NECTIN3: variants seen among roughly 807,000 people sequenced by gnomAD.
NECTIN3 encodes the protein nectin cell adhesion molecule 3.
Under a neutral mutation model 49.4 loss-of-function variants are expected in NECTIN3, and 8 were observed. That is an observed-to-expected ratio of 0.16 (90% CI 0.10 to 0.29). The LOEUF is 0.29. Among genes scored for constraint, NECTIN3 ranks in the 10% least tolerant of loss-of-function variants. The pLI, the probability that NECTIN3 is intolerant of heterozygous loss-of-function variation, is 1.00. For synonymous variants in NECTIN3, 277 were observed against 241.1 expected (o/e 1.15, Z -1.38); for missense variants, 581 against 654.6 (o/e 0.89, Z 1.23).
chr3:111,097,588 A>G (rs1457440364), intron 1 of NECTIN3, among the ~76,000 whole-genome samples: 1 of 152,148 alleles, frequency 6.6e-6, no homozygotes, highest in Non-Finnish European at 1.5e-5. Flanking sequence ...AGGTAATTGA[A>G]TCATGGGGGC....
intron 1 of NECTIN3, among the ~76,000 whole-genome samples, chr3:111,098,940 A>C (rs536954034): frequency 6.6e-6 from 1 of 152,132 alleles, no homozygotes; most frequent in Non-Finnish European, 1.5e-5. Context: ...AAAAAAAAAA[A>C]AAAAGATGAG....
Position 111,118,743 on chromosome 3 carries a change from C to A in NECTIN3, c.590C>A (p.Thr197Asn). ...GTAGCAGCCATTTGCATCGCAGCCACTGGAAAACCCGTTGCACATATTGAC... is the reference window on the plus strand; with the variant it reads ...GTAGCAGCCATTTGCATCGCAGCCAATGGAAAACCCGTTGCACATATTGAC... ...ETVAAICIAA[T>N]GKPVAHIDWE... Residue 197 changes from threonine (T) to asparagine (N), a missense_variant, in exon 3 of 6, where the codon ACT becomes AAT. Around this residue, in one of 3 missense-constraint regions of NECTIN3, gnomAD observed 234 missense variants for 340.6 expected, o/e 0.69. Coordinates refer to ENST00000485303, the MANE Select transcript of NECTIN3 (RefSeq NM_015480.3). 1 of 1,614,174 alleles carries A rather than the reference C, an allele frequency of 6.2e-7. No individual in the cohort carries two copies. Among genetic ancestry groups the A allele is most frequent in the Non-Finnish European group, 8.5e-7 (1 of 1,180,020 alleles).
intron 7 of NECTIN3, among the ~76,000 whole-genome samples, chr3:111,170,944 A>T (rs950826380): frequency 6.6e-6 from 1 of 152,228 alleles, no homozygotes; most frequent in African/African-American, 2.4e-5. Flanking sequence ...CATCTTTAAT[A>T]TACAGCTTCT....
At chr3:111,165,974 T>G (rs181469561) in intron 7 of NECTIN3, among the ~76,000 whole-genome samples, 9 of 152,272 alleles carry the variant, frequency 5.9e-5, no homozygotes, top group Non-Finnish European at 7.4e-5. Flanking sequence ...ATTAGGTGCT[T>G]CTTGTATCAG....
intron 1 of NECTIN3, among the ~76,000 whole-genome samples, chr3:111,086,197 C>G (rs867240759): frequency 6.6e-6 from 1 of 151,790 alleles, no homozygotes; most frequent in African/African-American, 2.4e-5. Flanking sequence ...AATATGAACC[C>G]TTTGTTAATT....
intron 7 of NECTIN3, among the ~76,000 whole-genome samples, chr3:111,158,456 T>C (rs1266811659): frequency 6.6e-6 from 1 of 152,106 alleles, no homozygotes; most frequent in African/African-American, 2.4e-5. Flanking sequence ...ATGTATTTGT[T>C]TGAAACCTTT....
intron 7 of NECTIN3, among the ~76,000 whole-genome samples, chr3:111,183,129 C>T (rs2035655906): frequency 6.6e-6 from 1 of 151,402 alleles, no homozygotes; most frequent in African/African-American, 2.4e-5. Context: ...TTATTTCTCC[C>T]TGCGTTATAA....
chr3:111,135,981 C>CATATA lies in NECTIN3; in HGVS notation c.*1766_*1767insATATA. On this transcript the variant is annotated 3_prime_UTR_variant, in exon 6 of 6. Coordinates refer to ENST00000485303, the MANE Select transcript of NECTIN3 (RefSeq NM_015480.3). ...GTCTGGGTTTTAATATGGTTAATCA[C>CATATA]TTATATACAAATATTACAACTTTTT... 1 of 950,068 alleles carries CATATA rather than the reference C, an allele frequency of 1.1e-6. No individual in the cohort carries two copies. The highest frequency in any genetic ancestry group is 1.3e-6 in the Non-Finnish European group (1 of 798,200). The allele number at this position is 950,068 out of a possible 1,614,324, so 58.9% of individuals were successfully genotyped here. A position where few individuals can be genotyped will look rare whatever the true frequency, so the allele number is the denominator to read the frequency against.
intron 7 of NECTIN3, among the ~76,000 whole-genome samples, chr3:111,180,972 A>G (rs186427941): frequency 3.5e-4 from 54 of 152,298 alleles, no homozygotes; most frequent in South Asian, 6.2e-4. Flanking sequence ...TGGAGTTTAC[A>G]TAATACCATG....
At chr3:111,180,316 A>C (rs897708215) in intron 7 of NECTIN3, among the ~76,000 whole-genome samples, 2 of 152,326 alleles carry the variant, frequency 1.3e-5, no homozygotes, top group South Asian at 4.1e-4. Context: ...GGAACCAGCA[A>C]TGTTAAATCT....
chr3:111,143,183 A>G (rs1365930647), intron 5 of NECTIN3, among the ~76,000 whole-genome samples: 1 of 151,902 alleles, frequency 6.6e-6, no homozygotes. Context: ...GTGCAGAATG[A>G]TATTTGGCTG....
intron 1 of NECTIN3, chr3:111,073,362 T>G (rs140869195): frequency 6.6e-6 from 1 of 152,346 alleles, no homozygotes; most frequent in East Asian, 1.9e-4. Context: ...GTCAGGGTAG[T>G]TGGTTATGAG....
intron 5 of NECTIN3, among the ~76,000 whole-genome samples, chr3:111,129,683 C>G (rs1225552302): frequency 6.6e-6 from 1 of 151,570 alleles, no homozygotes; most frequent in African/African-American, 2.4e-5. Flanking sequence ...CAGTCTCGCT[C>G]TGTCGCCCAG....
intron 7 of NECTIN3, among the ~76,000 whole-genome samples, chr3:111,160,577 AT>A (rs996835632): frequency 1.3e-4 from 20 of 151,984 alleles, no homozygotes; most frequent in East Asian, 3.9e-4. Flanking sequence ...TTTTTACATG[AT>A]TTTTTTTAAC....
intron 7 of NECTIN3, among the ~76,000 whole-genome samples, chr3:111,186,412 A>T (rs935920013): frequency 6.6e-6 from 1 of 152,326 alleles, no homozygotes; most frequent in South Asian, 2.1e-4. Flanking sequence ...CTGTACAGCT[A>T]ACATCATCTG....
chr3:111,154,169 C>T (rs2035054149), intron 7 of NECTIN3, among the ~76,000 whole-genome samples: 1 of 152,094 alleles, frequency 6.6e-6, no homozygotes, highest in African/African-American at 2.4e-5. Context: ...CCCTCTAGTC[C>T]TTTACCAGCT....
At chr3:111,177,241 C>T (rs997539235) in intron 7 of NECTIN3, among the ~76,000 whole-genome samples, 1 of 151,958 alleles carries the variant, frequency 6.6e-6, no homozygotes, top group African/African-American at 2.4e-5. Context: ...TATCTATACC[C>T]TTACCTTTTT....
chr3:111,116,641 T>C (rs1397954876), intron 2 of NECTIN3, among the ~76,000 whole-genome samples: 3 of 152,082 alleles, frequency 2.0e-5, no homozygotes, highest in Non-Finnish European at 2.9e-5. Context: ...TTTTCCCAAA[T>C]TTATGTAGAA....
intron 6 of NECTIN3, among the ~76,000 whole-genome samples, chr3:111,145,265 G>C (rs1229820144): frequency 6.6e-6 from 1 of 152,088 alleles, no homozygotes; most frequent in South Asian, 2.1e-4. Flanking sequence ...TTTTCACCTA[G>C]AGCATATTAG....
Sources: gnomAD v4.1 joint callset for allele counts (sites outside exome capture counted in the v4.1 genomes callset) on GRCh38, gnomAD v4.1.1 for gene constraint, gnomAD v4.1.1 regional missense constraint, MANE v1.5 for transcripts, NCBI Gene and HGNC (gene_info 2026-07-23, HGNC 2026-07-21) for gene names.